NOPCHAP1: variants seen among roughly 807,000 people sequenced by gnomAD.
NOPCHAP1 encodes NOP protein chaperone 1.
A neutral mutation model predicts 14.0 loss-of-function variants in NOPCHAP1; 13 were observed. The observed-to-expected ratio is 0.93, with a 90% CI of 0.60 to 1.47. The LOEUF is 1.47. Among genes scored for constraint, NOPCHAP1 ranks in the 40% most tolerant of loss-of-function variants. The pLI, the probability that NOPCHAP1 is intolerant of heterozygous loss-of-function variation, is 0.00. For missense variants in NOPCHAP1, 230 were observed against 226.9 expected (o/e 1.01, Z -0.09); for synonymous variants, 78 against 78.4 (o/e 1.00, Z 0.03).
chr12:105,014,913 G>A lies in NOPCHAP1; in HGVS notation c.*20217G>A, dbSNP rs1161777619. The A allele has an allele frequency of 2.6e-5, 4 of 152,150 alleles. No individual in the cohort carries two copies. The highest frequency in any genetic ancestry group is 2.6e-4 in the Admixed American group (4 of 15,272). 9.4% of individuals were successfully genotyped at this position (152,150 alleles called of 1,614,324 possible). The stretch of plus-strand genomic sequence containing the variant: ...TTGGGATCTCATCTGCCATGAGCCT[G>A]ACTTTTGCTCAGGAAAGAGGCCTGA... On this transcript the variant is annotated 3_prime_UTR_variant, in exon 4 of 4. Transcript: ENST00000552951.
intron 2 of NOPCHAP1, among the ~76,000 whole-genome samples, chr12:104,989,997 A>T (rs564511843): frequency 1.3e-3 from 197 of 152,250 alleles, no homozygotes; most frequent in South Asian, 2.3e-3. Context: ...TCTTCCTTGA[A>T]CATACAAAGT....
rs1289620921 is a variant in NOPCHAP1 at position 105,002,609 on chromosome 12, C to T, written c.*7913C>T. The T allele has an allele frequency of 6.6e-6, 1 of 152,174 alleles. No individual in the cohort carries two copies. Among genetic ancestry groups the T allele is most frequent in the African/African-American group, 2.4e-5 (1 of 41,458 alleles). 9.4% of individuals were successfully genotyped at this position (152,174 alleles called of 1,614,324 possible). On this transcript the variant is annotated 3_prime_UTR_variant, in exon 4 of 4. Coordinates refer to ENST00000552951, the MANE Select transcript of NOPCHAP1 (RefSeq NM_152318.3). ...AAGGTTTTCAACAATTTTTCTAGGT[C>T]TCATTGGCCCTACTCTTGATGAGGT...
chr12:104,993,967 G>T (rs1239691447), intron 3 of NOPCHAP1, among the ~76,000 whole-genome samples: 1 of 152,168 alleles, frequency 6.6e-6, no homozygotes, highest in African/African-American at 2.4e-5. Context: ...AGATATTTTA[G>T]ACACTTAGAG....
chr12:104,993,697 T>G (rs995248201), intron 3 of NOPCHAP1, among the ~76,000 whole-genome samples: 3 of 152,222 alleles, frequency 2.0e-5, no homozygotes, highest in African/African-American at 7.2e-5. Context: ...TTTAATTTTT[T>G]TCCCCCAACC....
rs1873574997 is a variant in NOPCHAP1, at chr12:104,999,841, G to C, written c.*5145G>C. On this transcript the variant is annotated 3_prime_UTR_variant, in exon 4 of 4. Transcript: ENST00000552951. ...GGGGGCCAGGAACGAGTCTTAGTGTGTGGTAGCCCCTTGCAGGGTTCCCCG... is the reference window on the plus strand; with the variant it reads ...GGGGGCCAGGAACGAGTCTTAGTGTCTGGTAGCCCCTTGCAGGGTTCCCCG... 6.6e-6 allele frequency: 1 copy of C among 152,344 alleles called. No individual in the cohort carries two copies. The highest frequency in any genetic ancestry group is 1.5e-5 in the Non-Finnish European group (1 of 68,166). 9.4% of individuals were successfully genotyped at this position (152,344 alleles called of 1,614,324 possible).
At position 105,001,420 on chromosome 12, in the gene NOPCHAP1, C is replaced by G. The variant is rs1592750620; in HGVS notation, c.*6724C>G. 1.3e-5 allele frequency: 2 copies of G among 152,292 alleles called. No individual in the cohort carries two copies. Among genetic ancestry groups the G allele is most frequent in the Middle Eastern group, 6.8e-3 (2 of 294 alleles). The allele number at this position is 152,292 out of a possible 1,614,324, so 9.4% of individuals were successfully genotyped here. ...TGGATTATCTTTCCAGGATTATGAG[C>G]TTGATAAACCAAACATTAGTTATAA... On this transcript the variant is annotated 3_prime_UTR_variant, in exon 4 of 4. Transcript: ENST00000552951.
At position 105,002,601 on chromosome 12, in the gene NOPCHAP1, TTCTAGGTC is replaced by T. The variant is rs1237457203; in HGVS notation, c.*7908_*7915del. ...GAATTTTAAAGGTTTTCAACAATTT[TTCTAGGTC>T]TCATTGGCCCTACTCTTGATGAGGT... On this transcript the variant is annotated 3_prime_UTR_variant, in exon 4 of 4. Coordinates refer to ENST00000552951, the MANE Select transcript of NOPCHAP1 (RefSeq NM_152318.3). 6.6e-6 allele frequency: 1 copy of T among 152,252 alleles called. No homozygotes were observed. Among genetic ancestry groups the T allele is most frequent in the Non-Finnish European group, 1.5e-5 (1 of 68,040 alleles). 9.4% of individuals were successfully genotyped at this position (152,252 alleles called of 1,614,324 possible).
intron 2 of NOPCHAP1, among the ~76,000 whole-genome samples, chr12:104,989,241 T>G (rs1873321867): frequency 6.6e-6 from 1 of 152,208 alleles, no homozygotes; most frequent in African/African-American, 2.4e-5. Flanking sequence ...GAAGTGCCTA[T>G]TCAAATCTTA....
Position 104,994,644 on chromosome 12 carries a change from G to C in NOPCHAP1, c.506G>C (p.Gly169Ala). Residue 169 changes from glycine (G) to alanine (A), a missense_variant, in exon 4 of 4, where the codon GGA (glycine) becomes GCA (alanine). Physicochemically the swap from Gly to Ala is moderately conservative, Grantham distance 60 (BLOSUM62 0). Coordinates refer to ENST00000552951, the MANE Select transcript of NOPCHAP1 (RefSeq NM_152318.3). The part of the protein sequence containing the change: ...DNIKLPNSEG[G>A]KGKIEVLDSP... ...ATTAAGCTTCCCAATTCTGAAGGTG[G>C]AAAAGGCAAGATTGAAGTTTTGGAC... The C allele has an allele frequency of 1.9e-6, 3 of 1,613,726 alleles. No individual in the cohort carries two copies. The highest frequency in any genetic ancestry group is 2.5e-6 in the Non-Finnish European group (3 of 1,179,956).
Position 104,988,175 on chromosome 12 carries a change from G to A in NOPCHAP1, c.124G>A (p.Asp42Asn). 1.2e-6 allele frequency: 2 copies of A among 1,610,316 alleles called. No individual in the cohort carries two copies. Among genetic ancestry groups the A allele is most frequent in the Non-Finnish European group, 1.7e-6 (2 of 1,177,182 alleles). ...TGTGTCTGTATTTTCAGGTATATGG[G>A]ACAGGTTGCTCATCAACTCCCAACC... ...AGSDGRGGIW[D>N]RLLINSQPKS... The change falls in exon 2 of 4, where the codon GAC becomes AAC. Residue 42 changes from aspartate (D) to asparagine (N), a missense_variant. By Grantham distance (23) the Asp-to-Asn change is conservative (BLOSUM62 1). Transcript: ENST00000552951.
Position 105,015,638 on chromosome 12 carries a change from A to T in NOPCHAP1, c.*20942A>T, listed in dbSNP as rs977059392. On this transcript the variant is annotated 3_prime_UTR_variant, in exon 4 of 4. Transcript: ENST00000552951. ...TGTGAATTGTCCTTTTGTCCTGCTT[A>T]TGCACGCTGTATATGTTACCCACCG... is the stretch of plus-strand genomic sequence containing the variant. 2 of 152,232 alleles carry T rather than the reference A, an allele frequency of 1.3e-5. No individual in the cohort carries two copies. The highest frequency in any genetic ancestry group is 2.9e-5 in the Non-Finnish European group (2 of 68,058). 9.4% of individuals were successfully genotyped at this position (152,232 alleles called of 1,614,324 possible). A position where few individuals can be genotyped will look rare whatever the true frequency, so the allele number is the denominator to read the frequency against.
intron 3 of NOPCHAP1, among the ~76,000 whole-genome samples, chr12:104,992,682 C>T (rs1006400580): frequency 2.0e-5 from 3 of 152,120 alleles, no homozygotes; most frequent in Non-Finnish European, 2.9e-5. Context: ...TGGGTGAGAG[C>T]GCATTACCAC....
At position 104,986,443 on chromosome 12, in the gene NOPCHAP1, A is replaced by G. The variant is rs1470032125; in HGVS notation, c.91A>G (p.Thr31Ala). ...SGVPVSKELL[T>A]AGSDGRGGIW... The stretch of plus-strand genomic sequence containing the variant: ...AGTCCCAGTGTCCAAGGAGCTGCTG[A>G]CGGCGGGAAGCGACGGCCGCGGAGG... Residue 31 changes from threonine to alanine, a missense_variant, in exon 1 of 4, where the codon ACG (threonine) becomes GCG (alanine). Coordinates refer to ENST00000552951, the MANE Select transcript of NOPCHAP1 (RefSeq NM_152318.3). The G allele has an allele frequency of 1.9e-6, 3 of 1,606,564 alleles. No homozygotes were observed. Among genetic ancestry groups the G allele is most frequent in the Admixed American group, 3.4e-5 (2 of 59,508 alleles).
In NOPCHAP1 at chr12:105,015,986, G is replaced by T. The variant is rs1873936840; in HGVS notation, c.*21290G>T. On this transcript the variant is annotated 3_prime_UTR_variant, in exon 4 of 4. Coordinates refer to ENST00000552951, the MANE Select transcript of NOPCHAP1 (RefSeq NM_152318.3). ...ATATTTAGTAAAATAGTCAAGAAAG[G>T]TTTTTTTTTTTTTTTTTAAAAAGCA... 1 of 135,642 alleles carries T rather than the reference G, an allele frequency of 7.4e-6. No individual in the cohort carries two copies. Among genetic ancestry groups the T allele is most frequent in the East Asian group, 2.1e-4 (1 of 4,866 alleles). The allele number at this position is 135,642 out of a possible 1,614,324, so 8.4% of individuals were successfully genotyped here.
Position 105,008,645 on chromosome 12 carries a change from G to A in NOPCHAP1, c.*13949G>A, listed in dbSNP as rs1440843495. On this transcript the variant is annotated 3_prime_UTR_variant, in exon 4 of 4. Transcript: ENST00000552951. Reference sequence around the variant, plus strand: ...TACATTTAAGTCTTTAATCCATCGTGAGTTAATTTTTGTATAAGGTGTAAG... The same window carrying A: ...TACATTTAAGTCTTTAATCCATCGTAAGTTAATTTTTGTATAAGGTGTAAG... 1 of 152,198 alleles carries A rather than the reference G, an allele frequency of 6.6e-6. No homozygotes were observed. The highest frequency in any genetic ancestry group is 1.5e-5 in the Non-Finnish European group (1 of 68,034). The allele number at this position is 152,198 out of a possible 1,614,324, so 9.4% of individuals were successfully genotyped here.
chr12:104,994,749 A>G lies in NOPCHAP1; in HGVS notation c.*53A>G. The G allele has an allele frequency of 1.4e-6, 2 of 1,466,924 alleles. No individual in the cohort carries two copies. The highest frequency in any genetic ancestry group is 1.9e-6 in the Non-Finnish European group (2 of 1,063,310). The allele number at this position is 1,466,924 out of a possible 1,614,324, so 90.9% of individuals were successfully genotyped here. A position where few individuals can be genotyped will look rare whatever the true frequency, so the allele number is the denominator to read the frequency against. On this transcript the variant is annotated 3_prime_UTR_variant, in exon 4 of 4. Transcript: ENST00000552951. Reference sequence around the variant, plus strand: ...GTGACATATGTCTGCAAATTCTGTGAAAAAGAATGTGATTCACGGGTTCTT... The same window carrying G: ...GTGACATATGTCTGCAAATTCTGTGGAAAAGAATGTGATTCACGGGTTCTT...
chr12:104,988,053 T>G (rs571607085), intron 1 of NOPCHAP1, 114 bp from the exon 2 acceptor site: 38 of 685,382 alleles, frequency 5.5e-5, no homozygotes, highest in East Asian at 1.9e-4. Flanking sequence ...AAAAAAATTT[T>G]GGGGGAGTGT....
chr12:105,007,891 TTATC>T lies in NOPCHAP1; in HGVS notation c.*13198_*13201del, dbSNP rs1056868823. 7 of 152,274 alleles carry T rather than the reference TTATC, an allele frequency of 4.6e-5. No individual in the cohort carries two copies. Among genetic ancestry groups the T allele is most frequent in the Admixed American group, 3.9e-4 (6 of 15,288 alleles). The allele number at this position is 152,274 out of a possible 1,614,324, so 9.4% of individuals were successfully genotyped here. A position where few individuals can be genotyped will look rare whatever the true frequency, so the allele number is the denominator to read the frequency against. Reference sequence around the variant, plus strand: ...ATGGTGTACATATGCCACATTTTCTTTATCTAGTCTATCACTGATGGGCATTTGG... The same window carrying T: ...ATGGTGTACATATGCCACATTTTCTTTAGTCTATCACTGATGGGCATTTGG... On this transcript the variant is annotated 3_prime_UTR_variant, in exon 4 of 4. Transcript: ENST00000552951.
At position 105,011,516 on chromosome 12, in the gene NOPCHAP1, T is replaced by C. The variant is rs1001095426; in HGVS notation, c.*16820T>C. The C allele has an allele frequency of 1.3e-5, 2 of 152,240 alleles. No individual in the cohort carries two copies. Among genetic ancestry groups the C allele is most frequent in the Non-Finnish European group, 2.9e-5 (2 of 68,042 alleles). 9.4% of individuals were successfully genotyped at this position (152,240 alleles called of 1,614,324 possible). Reference sequence around the variant, plus strand: ...TTTACATTTAAGGTTAATATTGTTATGTGCGAATTTGATCCTGTCATTATG... The same window carrying C: ...TTTACATTTAAGGTTAATATTGTTACGTGCGAATTTGATCCTGTCATTATG... On this transcript the variant is annotated 3_prime_UTR_variant, in exon 4 of 4. Transcript: ENST00000552951.
Sources: gnomAD v4.1 joint callset for allele counts (sites outside exome capture counted in the v4.1 genomes callset) on GRCh38, gnomAD v4.1.1 for gene constraint, MANE v1.5 for transcripts, NCBI Gene and HGNC (gene_info 2026-07-23, HGNC 2026-07-21) for gene names.